DCHS1: variants seen among roughly 807,000 people sequenced by gnomAD.
DCHS1 encodes protocadherin-16.
In DCHS1, 78 loss-of-function variants were observed where a neutral mutation model predicts 213.9. The ratio of observed to expected loss-of-function variants is 0.36; its 90% confidence interval spans 0.30 to 0.44. The LOEUF (loss-of-function observed/expected upper bound fraction) is 0.44. DCHS1 is among the 20% of genes least tolerant of loss of function. DCHS1 has a pLI of 1.00. For synonymous variants in DCHS1, 1,828 were observed against 1,873.7 expected (o/e 0.98, Z 0.63); for missense variants, 3,946 against 4,395.9 (o/e 0.90, Z 2.89).
Position 6,625,837 on chromosome 11 carries a change from C to T in DCHS1, c.6731+83G>A. 1.3e-6 allele frequency: 2 copies of T among 1,581,862 alleles called. No individual in the cohort carries two copies. Among genetic ancestry groups the T allele is most frequent in the Non-Finnish European group, 8.6e-7 (1 of 1,162,836 alleles). On this transcript the variant is annotated intron_variant, in intron 17 of 20. Coordinates refer to ENST00000299441, the MANE Select transcript of DCHS1 (RefSeq NM_003737.4). This position sits in a 1 kb window ranked among gnomAD's most constrained non-coding sequence, Gnocchi z 5.3. Reference sequence around the variant, plus strand: ...AGGGCTGGGGAATTCAGGATGTGGCCAAGGGACCAGATGAGTTCAAGGCAG... The same window carrying T: ...AGGGCTGGGGAATTCAGGATGTGGCTAAGGGACCAGATGAGTTCAAGGCAG...
chr11:6,626,885 C>T lies in DCHS1; in HGVS notation c.6154G>A (p.Gly2052Ser). 6.2e-7 allele frequency: 1 copy of T among 1,613,570 alleles called. No homozygotes were observed. Among genetic ancestry groups the T allele is most frequent in the Non-Finnish European group, 8.5e-7 (1 of 1,179,870 alleles). Residue 2052 changes from glycine to serine, a missense_variant, in exon 14 of 21, where the codon GGT (glycine) becomes AGT (serine). By Grantham distance (56) the Gly-to-Ser change is moderately conservative (BLOSUM62 0). Transcript: ENST00000299441. This position sits in a 1 kb window ranked among gnomAD's most constrained non-coding sequence, Gnocchi z 5.2. ...DLGRPARSAT[G>S]VIIVGLQGEA... ...CCCTGCAGTCCAACAATGATCACAC[C>T]AGTGGCAGAGCGAGCTGGACGGCCA...
chr11:6,636,312 C>CA (rs535355850), intron 2 of DCHS1, among the ~76,000 whole-genome samples: 1 of 152,114 alleles, frequency 6.6e-6, no homozygotes, highest in Non-Finnish European at 1.5e-5. Context: ...TGGGCTCAAG[C>CA]AATCCTCCTG....
At position 6,633,884 on chromosome 11, in the gene DCHS1, C is replaced by G; in HGVS notation, c.2123G>C (p.Arg708Pro). Residue 708 changes from arginine to proline, a missense_variant, in exon 4 of 21, where the codon CGT becomes CCT. Physicochemically the swap from Arg to Pro is moderately radical, Grantham distance 103. Transcript: ENST00000299441. ...GGATCCCTGGTCAGGGTCATGGGCA[C>G]GCAACCTCAGCACAGCTGTGCCTGG... The part of the protein sequence containing the change: ...SPPGTAVLRL[R>P]AHDPDQGSHG... 2 of 1,613,930 alleles carry G rather than the reference C, an allele frequency of 1.2e-6. No homozygotes were observed. Among genetic ancestry groups the G allele is most frequent in the Non-Finnish European group, 1.7e-6 (2 of 1,179,870 alleles).
At chr11:6,645,286 C>T (rs185277116) in intron 1 of DCHS1, among the ~76,000 whole-genome samples, 1 of 152,272 alleles carries the variant, frequency 6.6e-6, no homozygotes, top group East Asian at 1.9e-4. Flanking sequence ...CAGGCCTGAT[C>T]TGAAGAAGGG....
At position 6,630,837 on chromosome 11, in the gene DCHS1, C is replaced by A; in HGVS notation, c.3957G>T (p.Glu1319Asp). 6.5e-7 allele frequency: 1 copy of A among 1,527,056 alleles called. No homozygotes were observed. The highest frequency in any genetic ancestry group is 2.1e-5 in the Admixed American group (1 of 48,282). 94.6% of individuals were successfully genotyped at this position (1,527,056 alleles called of 1,614,324 possible). A position where few individuals can be genotyped will look rare whatever the true frequency, so the allele number is the denominator to read the frequency against. The change falls in exon 10 of 21, where the codon GAG (glutamate) becomes GAT (aspartate). Residue 1319 changes from glutamate to aspartate, a missense_variant. This residue lies in a region of DCHS1 where 3,384 missense variants were observed against 3,780.1 expected (regional missense o/e 0.90). Coordinates refer to ENST00000299441, the MANE Select transcript of DCHS1 (RefSeq NM_003737.4). ...CCCGCTCTGCGAGATCTGGGGGCGG[C>A]TCGGCCAAGCGAGCTGAGGGAAGCA... is the stretch of plus-strand genomic sequence containing the variant. The part of the protein sequence containing the change: ...VQVLPSARLA[E>D]PPPDLAERDP...
intron 2 of DCHS1, among the ~76,000 whole-genome samples, chr11:6,636,545 GT>G (rs1336241045): frequency 6.6e-6 from 1 of 152,046 alleles, no homozygotes; most frequent in African/African-American, 2.4e-5. Flanking sequence ...TCACTATGTT[GT>G]CCAGGCTGGT....
In DCHS1 at chr11:6,629,717, G is replaced by C. The variant is rs761419940; in HGVS notation, c.4990C>G (p.Pro1664Ala). Reference sequence around the variant, plus strand: ...CGCAGGGTGAGCAGAGATGTGCCAGGAGGGTTGTTCTCACGCAAGAGGACG... The same window carrying C: ...CGCAGGGTGAGCAGAGATGTGCCAGCAGGGTTGTTCTCACGCAAGAGGACG... ...YSVLLRENNPPGTSLLTLRAT... is the reference protein window; with the variant it reads ...YSVLLRENNPAGTSLLTLRAT... Residue 1664 changes from proline to alanine, a missense_variant, in exon 11 of 21, where the codon CCT becomes GCT. Physicochemically the swap from Pro to Ala is conservative, Grantham distance 27. Coordinates refer to ENST00000299441, the MANE Select transcript of DCHS1 (RefSeq NM_003737.4). 43 of 1,613,912 alleles carry C rather than the reference G, an allele frequency of 2.7e-5. No individual in the cohort carries two copies. In the South Asian group the frequency reaches 4.7e-4, roughly 18 times the overall value.
rs1268997342 is a variant in DCHS1 at position 6,631,749 on chromosome 11, A to G, written c.3542T>C (p.Val1181Ala). Residue 1181 changes from valine to alanine, a missense_variant, in exon 7 of 21, where the codon GTG becomes GCG. By Grantham distance (64) the Val-to-Ala change is moderately conservative. Coordinates refer to ENST00000299441, the MANE Select transcript of DCHS1 (RefSeq NM_003737.4). ...REQQSSYQLLVQVQDGGSPPR... is the reference protein window; with the variant it reads ...REQQSSYQLLAQVQDGGSPPR... ...TGGGCTCCCTCCATCCTGCACCTGC[A>G]CCAGGAGCTGATAGCTGCTCTGCTG... is the stretch of plus-strand genomic sequence containing the variant. 1.2e-6 allele frequency: 2 copies of G among 1,604,036 alleles called. No individual in the cohort carries two copies. Among genetic ancestry groups the G allele is most frequent in the East Asian group, 4.5e-5 (2 of 44,758 alleles).
At position 6,626,750 on chromosome 11, in the gene DCHS1, T is replaced by C. The variant is rs1564861415; in HGVS notation, c.6250+39A>G. ...TTTTCAAAGCACAACCCCAGCCCAT[T>C]TGGGAGTCTGAATCTGGAAGAAATG... On this transcript the variant is annotated intron_variant, in intron 14 of 20. Transcript: ENST00000299441. The surrounding 1 kb of genome is among the most constrained non-coding windows in gnomAD (Gnocchi z 5.2). The C allele has an allele frequency of 1.2e-6, 2 of 1,609,220 alleles. No homozygotes were observed. The highest frequency in any genetic ancestry group is 1.7e-6 in the Non-Finnish European group (2 of 1,177,716).
At chr11:6,633,763 G>A in intron 4 of DCHS1, 26 bp downstream of exon 4, 2 of 1,606,310 alleles carry the variant, frequency 1.2e-6, no homozygotes, top group Non-Finnish European at 1.7e-6. Flanking sequence ...CCTGGGGGAA[G>A]GCCCCGGGAA....
rs746099564 is a variant in DCHS1 at position 6,622,021 on chromosome 11, TG to T, written c.9654del (p.Lys3219SerfsTer176). 1 of 1,608,586 alleles carries T rather than the reference TG, an allele frequency of 6.2e-7. No homozygotes were observed. The highest frequency in any genetic ancestry group is 8.5e-7 in the Non-Finnish European group (1 of 1,178,696). On this transcript the variant is annotated frameshift_variant, in exon 21 of 21. Coordinates refer to ENST00000299441, the MANE Select transcript of DCHS1 (RefSeq NM_003737.4). LOFTEE classifies it high-confidence loss of function. This position sits in a 1 kb window ranked among gnomAD's most constrained non-coding sequence, Gnocchi z 5.4. ...VAHPGAKSVP[P>X]KPANTAAARA... The stretch of plus-strand genomic sequence containing the variant: ...CGGGCTGCAGCTGTGTTTGCTGGCT[TG>T]GGGGGCACAGACTTGGCTCCTGGGT...
chr11:6,623,899 G>C lies in DCHS1; in HGVS notation c.7777C>G (p.Leu2593Val), dbSNP rs904009344. 6.2e-7 allele frequency: 1 copy of C among 1,609,800 alleles called. No homozygotes were observed. Among genetic ancestry groups the C allele is most frequent in the Non-Finnish European group, 8.5e-7 (1 of 1,176,832 alleles). ...ACAGGTGGGTTGTCATTGACATCTA[G>C]TACAGTGACAGTGACTGGCACGACT... ...SSVVPVTVTV[L>V]DVNDNPPVFT... The change falls in exon 21 of 21, where the codon CTA becomes GTA. Residue 2593 changes from leucine to valine, a missense_variant. Leu to Val is a conservative substitution (Grantham distance 32). Transcript: ENST00000299441.
chr11:6,624,414 G>T (rs1219031526), intron 20 of DCHS1, 24 bp from the exon 21 acceptor site: 1 of 1,525,090 alleles, frequency 6.6e-7, no homozygotes, highest in South Asian at 1.2e-5. Flanking sequence ...GGAAGGGAAA[G>T]AAATATATTC....
In DCHS1 at chr11:6,627,067, C is replaced by G. The variant is rs145725245; in HGVS notation, c.5972G>C (p.Arg1991Pro). 1 of 1,613,500 alleles carries G rather than the reference C, an allele frequency of 6.2e-7. No individual in the cohort carries two copies. The highest frequency in any genetic ancestry group is 1.1e-5 in the South Asian group (1 of 91,082). ...LALATLRAEDRDAGANASILY... is the reference protein window; with the variant it reads ...LALATLRAEDPDAGANASILY... ...AATGGAAGCATTGGCACCAGCATCA[C>G]GATCTTCAGCTCTCAGTGTGGCCAG... The change falls in exon 14 of 21, where the codon CGT becomes CCT. Residue 1991 changes from arginine (R) to proline (P), a missense_variant. Around this residue, in one of 3 missense-constraint regions of DCHS1, gnomAD observed 3,384 missense variants for 3,780.1 expected, o/e 0.90. Transcript: ENST00000299441. This position sits in a 1 kb window ranked among gnomAD's most constrained non-coding sequence, Gnocchi z 5.4.
At chr11:6,631,290 C>G in intron 8 of DCHS1, 21 bp downstream of exon 8, 1 of 1,613,444 alleles carries the variant, frequency 6.2e-7, no homozygotes. Context: ...CCCACCAATT[C>G]TCCTCTCTCC....
chr11:6,630,661 G>T lies in DCHS1; in HGVS notation c.4133C>A (p.Thr1378Asn). ...CCCTGAGGCCGCATCCAGCGCGAAG[G>T]TGCCCTCGGGATCGGCACCGCCCAC... ...TLVGGADPEG[T>N]FALDAASGRL... is the part of the protein sequence containing the mutation. The change falls in exon 10 of 21, where the codon ACC becomes AAC. Residue 1378 changes from threonine to asparagine, a missense_variant. Transcript: ENST00000299441. The T allele has an allele frequency of 1.4e-5, 21 of 1,535,208 alleles. No homozygotes were observed. Among genetic ancestry groups the T allele is most frequent in the Non-Finnish European group, 1.8e-5 (21 of 1,143,222 alleles).
Position 6,633,829 on chromosome 11 carries a change from A to G in DCHS1, c.2178T>C (p.Ala726=). The change falls in exon 4 of 21, where the codon GCT becomes GCC. Residue 726 remains alanine, a synonymous_variant. Coordinates refer to ENST00000299441, the MANE Select transcript of DCHS1 (RefSeq NM_003737.4). ...SHGRLSYHIL[A]GNSPPLFTLD... is the part of the protein sequence containing the mutation. ...AGGTAAAAAGTGGGGGGCTGTTGCC[A>G]GCCAGGATATGGTAGGAGAGTCGCC... is the stretch of plus-strand genomic sequence containing the variant. The G allele has an allele frequency of 6.2e-7, 1 of 1,613,964 alleles. No homozygotes were observed. Among genetic ancestry groups the G allele is most frequent in the Non-Finnish European group, 8.5e-7 (1 of 1,179,892 alleles).
chr11:6,641,376 T>C lies in DCHS1; in HGVS notation c.238A>G (p.Ile80Val). The C allele has an allele frequency of 6.2e-7, 1 of 1,613,406 alleles. No individual in the cohort carries two copies. The highest frequency in any genetic ancestry group is 1.1e-5 in the South Asian group (1 of 91,082). The change falls in exon 2 of 21, where the codon ATC (isoleucine) becomes GTC (valine). Residue 80 changes from isoleucine to valine, a missense_variant. This residue lies in a region of DCHS1 where 3,384 missense variants were observed against 3,780.1 expected (regional missense o/e 0.90). Coordinates refer to ENST00000299441, the MANE Select transcript of DCHS1 (RefSeq NM_003737.4). The surrounding 1 kb of genome is among the most constrained non-coding windows in gnomAD (Gnocchi z 7.1). ...ACGCCGCTGCCCTCTTGGGCAGAGATGAAGTACATGAGAGGAGCTGCCGTG... is the reference window on the plus strand; with the variant it reads ...ACGCCGCTGCCCTCTTGGGCAGAGACGAAGTACATGAGAGGAGCTGCCGTG... ...AGTAAPLMYF[I>V]SAQEGSGVGT...
chr11:6,638,517 G>A (rs1856019656), intron 2 of DCHS1, among the ~76,000 whole-genome samples: 1 of 152,156 alleles, frequency 6.6e-6, no homozygotes, highest in Non-Finnish European at 1.5e-5. Context: ...CCTGGTATTT[G>A]TTCAGCAGCT....
Sources: gnomAD v4.1 joint callset for allele counts (sites outside exome capture counted in the v4.1 genomes callset) on GRCh38, gnomAD v4.1.1 for gene constraint, gnomAD v4.1.1 regional missense constraint, Gnocchi (gnomAD v3.1) non-coding constraint, MANE v1.5 for transcripts, NCBI Gene and HGNC (gene_info 2026-07-23, HGNC 2026-07-21) for gene names.